Variants in PKP4 observed in about 807,000 individuals in gnomAD.
The protein encoded by PKP4 is plakophilin 4, also known as plakophilin-4.
In PKP4, 90 loss-of-function variants were observed where a neutral mutation model predicts 145.1. The observed-to-expected ratio is 0.62, with a 90% CI of 0.52 to 0.74. The LOEUF (loss-of-function observed/expected upper bound fraction) is 0.74, where lower values mean the gene tolerates loss of function less well. Ranked by LOEUF, PKP4 falls within the 30% of genes least tolerant of loss-of-function variation. The probability of loss-of-function intolerance (pLI) is 0.00; values close to 1 mark genes in which losing one functional copy is unlikely to be tolerated. For synonymous variants in PKP4, 563 were observed against 577.2 expected, an observed-to-expected ratio of 0.98 and a Z score of 0.35; for missense variants, 1,340 against 1,482.7, an observed-to-expected ratio of 0.90 and a Z score of 1.58.
chr2:158,481,677 T>C (rs906391903), intron 1 of PKP4, among the ~76,000 whole-genome samples: 1 of 152,236 alleles, frequency 6.6e-6, no homozygotes, highest in Non-Finnish European at 1.5e-5. Context: ...TCTTGACCAT[T>C]TGTATGTCTT....
intron 1 of PKP4, among the ~76,000 whole-genome samples, chr2:158,504,744 A>G (rs1697070146): frequency 6.6e-6 from 1 of 152,194 alleles, no homozygotes; most frequent in Non-Finnish European, 1.5e-5. Context: ...CTACTTTTAT[A>G]TCCTTCTTGC....
At chr2:158,620,656 G>T (rs929480537) in intron 4 of PKP4, among the ~76,000 whole-genome samples, 3 of 152,118 alleles carry the variant, frequency 2.0e-5, no homozygotes, top group Non-Finnish European at 4.4e-5. Context: ...GAAATACTTG[G>T]TCTCCATTCT....
rs80175816 is a variant in PKP4, at chr2:158,531,774, G to C, written c.-5-1406G>C. On this transcript the variant is annotated intron_variant, in intron 1 of 21. Transcript: ENST00000389759. ...GGATCCTTCTATTCATACTTGAGAA[G>C]ATCCTGCCTGCAGTTCAAAGTCTAT... Among the ~76,000 whole-genome samples the C allele has an allele frequency of 7.2e-3, 1,101 of 152,272 alleles. 14 individuals are homozygous for C. Among genetic ancestry groups the C allele is most frequent in the African/African-American group, 0.025 (1,050 of 41,554 alleles).
chr2:158,554,800 A>G (rs1559316984), intron 2 of PKP4, among the ~76,000 whole-genome samples: 2 of 152,154 alleles, frequency 1.3e-5, no homozygotes, highest in African/African-American at 2.4e-5. Context: ...CCCTACTCTT[A>G]ATATACCAAA....
chr2:158,462,581 A>G (rs1689935116), intron 1 of PKP4, among the ~76,000 whole-genome samples: 1 of 152,188 alleles, frequency 6.6e-6, no homozygotes, highest in African/African-American at 2.4e-5. Flanking sequence ...CATGTTTTCA[A>G]AGTCTTGCTG....
At chr2:158,673,205 G>A (rs534510236) in intron 17 of PKP4, among the ~76,000 whole-genome samples, 4 of 152,314 alleles carry the variant, frequency 2.6e-5, no homozygotes, top group African/African-American at 9.6e-5. Context: ...ACGCACATTA[G>A]TCTACTTAGA....
intron 4 of PKP4, among the ~76,000 whole-genome samples, chr2:158,619,577 TC>T (rs1323577483): frequency 6.6e-6 from 1 of 152,156 alleles, no homozygotes; most frequent in Non-Finnish European, 1.5e-5. Context: ...TAATCAGCAG[TC>T]CCTAAGAAGT....
At chr2:158,496,398 G>A (rs539291908) in intron 1 of PKP4, among the ~76,000 whole-genome samples, 1 of 152,272 alleles carries the variant, frequency 6.6e-6, no homozygotes, top group South Asian at 2.1e-4. Flanking sequence ...TTGGCTGTAA[G>A]GATTGAATTT....
intron 4 of PKP4, among the ~76,000 whole-genome samples, chr2:158,604,347 C>CA: frequency 6.6e-6 from 1 of 152,260 alleles, no homozygotes; most frequent in South Asian, 2.1e-4. Context: ...GCTGAAATTA[C>CA]AGAGATCTGT....
At chr2:158,657,238 A>G (rs374917172) in intron 11 of PKP4, among the ~76,000 whole-genome samples, 76 of 152,290 alleles carry the variant, frequency 5.0e-4, no homozygotes, top group African/African-American at 1.7e-3. Context: ...TAGGGTAGGT[A>G]TCATCTCAAA....
At chr2:158,579,814 G>T (rs1403151785) in intron 3 of PKP4, among the ~76,000 whole-genome samples, 1 of 152,020 alleles carries the variant, frequency 6.6e-6, no homozygotes, top group Non-Finnish European at 1.5e-5. Flanking sequence ...AAGAATAGCT[G>T]TAGGAGGATA....
At position 158,645,280 on chromosome 2, in the gene PKP4, G is replaced by A. The variant is rs183101261; in HGVS notation, c.1909+2581G>A. On this transcript the variant is annotated intron_variant, in intron 11 of 21. Transcript: ENST00000389759. ...ACAAATTATAATTATTTTTGTTTAC[G>A]TGTACATGTAGATATAAAATGAAAA... 1.2e-3 allele frequency among the ~76,000 whole-genome samples: 189 copies of A among 152,196 alleles called. 1 individual carries two copies. The highest frequency in any genetic ancestry group is 2.1e-3 in the Non-Finnish European group (144 of 68,012).
intron 1 of PKP4, among the ~76,000 whole-genome samples, chr2:158,468,457 AT>A (rs1015002557): frequency 3.3e-5 from 5 of 152,068 alleles, no homozygotes; most frequent in African/African-American, 1.2e-4. Context: ...GTTTTGTTAT[AT>A]TTTTTTCTTT....
intron 17 of PKP4, among the ~76,000 whole-genome samples, chr2:158,671,777 TGGTG>T (rs1361412673): frequency 6.6e-6 from 1 of 151,894 alleles, no homozygotes; most frequent in Non-Finnish European, 1.5e-5. Context: ...GCGTGGAGCG[TGGTG>T]GGTGGTGCTG....
chr2:158,643,597 A>G (rs2054512230), intron 11 of PKP4, among the ~76,000 whole-genome samples: 1 of 151,878 alleles, frequency 6.6e-6, no homozygotes, highest in South Asian at 2.1e-4. Context: ...CTGTGGTTCC[A>G]GGTACTTGGG....
At chr2:158,628,050 G>C (rs548261513) in intron 7 of PKP4, among the ~76,000 whole-genome samples, 1 of 151,292 alleles carries the variant, frequency 6.6e-6, no homozygotes, top group Non-Finnish European at 1.5e-5. Context: ...GCACGCTCTC[G>C]GCTCACTGCA....
intron 17 of PKP4, among the ~76,000 whole-genome samples, chr2:158,672,756 C>T (rs371740843): frequency 6.6e-6 from 1 of 152,214 alleles, no homozygotes; most frequent in Non-Finnish European, 1.5e-5. Context: ...GAATCATTAG[C>T]AACCCATGTT....
intron 1 of PKP4, among the ~76,000 whole-genome samples, chr2:158,460,225 A>G (rs997353316): frequency 6.6e-6 from 1 of 152,206 alleles, no homozygotes; most frequent in Non-Finnish European, 1.5e-5. Context: ...GCAGTAATGC[A>G]TTTATAAGCT....
intron 20 of PKP4, among the ~76,000 whole-genome samples, chr2:158,677,938 A>C (rs761627052): frequency 1.1e-4 from 17 of 152,204 alleles, no homozygotes; most frequent in Non-Finnish European, 2.5e-4. Flanking sequence ...CTCATTAAAA[A>C]AATAAAAATC....
Sources: allele counts gnomAD v4.1 joint callset (sites outside exome capture counted in the v4.1 genomes callset), GRCh38; gene constraint gnomAD v4.1.1; transcripts MANE v1.5; gene names NCBI Gene and HGNC (gene_info 2026-07-23, HGNC 2026-07-21).